Variants in TNFRSF10D observed in about 807,000 individuals in gnomAD.
TNFRSF10D encodes the protein tumor necrosis factor receptor superfamily member 10D.
In TNFRSF10D, 28 loss-of-function variants were observed where a neutral mutation model predicts 42.1. That is an observed-to-expected ratio of 0.66 (90% CI 0.49 to 0.91). TNFRSF10D has a LOEUF of 0.91. Ranked by LOEUF, TNFRSF10D falls within the 40% of genes least tolerant of loss-of-function variation. The probability of loss-of-function intolerance (pLI) is 0.00; values close to 1 mark genes in which losing one functional copy is unlikely to be tolerated. For synonymous variants in TNFRSF10D, 186 were observed against 189.4 expected, an observed-to-expected ratio of 0.98 and a Z score of 0.15; for missense variants, 503 against 486.1, an observed-to-expected ratio of 1.03 and a Z score of -0.33.
chr8:23,136,053 T>C lies in TNFRSF10D; in HGVS notation c.*1817A>G, dbSNP rs1585255401. 2.5e-6 allele frequency: 1 copy of C among 393,628 alleles called. No individual in the cohort carries two copies. Among genetic ancestry groups the C allele is most frequent in the South Asian group, 1.9e-5 (1 of 52,322 alleles). 24.4% of individuals were successfully genotyped at this position (393,628 alleles called of 1,614,324 possible). Reference sequence around the variant, plus strand: ...GACACAACAATCTGAATGTGCGAACTTCAGGCAGTTCTAACTTTGTCCCAG... The same window carrying C: ...GACACAACAATCTGAATGTGCGAACCTCAGGCAGTTCTAACTTTGTCCCAG... On this transcript the variant is annotated 3_prime_UTR_variant, in exon 9 of 9. Transcript: ENST00000312584.
intron 7 of TNFRSF10D, among the ~76,000 whole-genome samples, chr8:23,143,990 C>A (rs1585258919): frequency 6.6e-6 from 1 of 152,188 alleles, no homozygotes; most frequent in African/African-American, 2.4e-5. Context: ...TACACACTGA[C>A]TCAGAAATCC....
intron 4 of TNFRSF10D, 33 bp from the exon 5 acceptor site, chr8:23,145,954 T>C (rs373312572): frequency 8.7e-6 from 14 of 1,613,382 alleles, no homozygotes; most frequent in Middle Eastern, 1.8e-4. Flanking sequence ...ACAGGGACTC[T>C]TGATGGAAAG....
At chr8:23,145,996 T>A in intron 4 of TNFRSF10D, 75 bp from the exon 5 acceptor site, 2 of 1,604,408 alleles carry the variant, frequency 1.2e-6, no homozygotes, top group Non-Finnish European at 8.5e-7. Context: ...GGAGCCACCC[T>A]CCCTGCCCAA....
At position 23,156,559 on chromosome 8, in the gene TNFRSF10D, CTT is replaced by C. The variant is rs61279799; in HGVS notation, c.151-1582_151-1581del. Among the ~76,000 whole-genome samples, 1,169 of 142,462 alleles carry C rather than the reference CTT, an allele frequency of 8.2e-3. 11 individuals carry two copies. Among genetic ancestry groups the C allele is most frequent in the African/African-American group, 0.028 (1,066 of 38,696 alleles). The allele number at this position is 142,462 out of a possible 152,430, so 93.5% of individuals were successfully genotyped here. On this transcript the variant is annotated intron_variant, in intron 1 of 8. Transcript: ENST00000312584. The stretch of plus-strand genomic sequence containing the variant: ...AGAGCAACTATTCATTTTCTCAACT[CTT>C]TTTTTTTTTTTTTCTTTTTTGGAGA...
At chr8:23,142,651 G>T (rs1800046797) in intron 7 of TNFRSF10D, among the ~76,000 whole-genome samples, 2 of 152,082 alleles carry the variant, frequency 1.3e-5, no homozygotes, top group African/African-American at 4.8e-5. Context: ...TGGATACTGT[G>T]CCCACAACCT....
intron 1 of TNFRSF10D, among the ~76,000 whole-genome samples, chr8:23,156,075 C>G (rs1288995867): frequency 6.6e-6 from 1 of 152,126 alleles, no homozygotes; most frequent in Non-Finnish European, 1.5e-5. Flanking sequence ...ACTGGAGAAT[C>G]GGAATAGAGT....
chr8:23,142,019 C>A (rs1342818946), intron 7 of TNFRSF10D, among the ~76,000 whole-genome samples: 1 of 152,168 alleles, frequency 6.6e-6, no homozygotes, highest in Non-Finnish European at 1.5e-5. Flanking sequence ...CACCTGTAAT[C>A]CCAGCACTTT....
At chr8:23,152,405 G>T (rs141193795) in intron 2 of TNFRSF10D, among the ~76,000 whole-genome samples, 142 of 152,320 alleles carry the variant, frequency 9.3e-4, no homozygotes, top group African/African-American at 3.3e-3. Context: ...TTTCCCACAG[G>T]GATTGTGGAA....
chr8:23,158,230 C>T (rs1173606373), intron 1 of TNFRSF10D, among the ~76,000 whole-genome samples: 2 of 152,178 alleles, frequency 1.3e-5, no homozygotes, highest in Non-Finnish European at 2.9e-5. Flanking sequence ...TGCCTTATGC[C>T]CCTCAGTCCA....
Position 23,135,640 on chromosome 8 carries a change from A to T in TNFRSF10D, c.*2230T>A, listed in dbSNP as rs1260838117. The T allele has an allele frequency of 4.0e-6, 1 of 248,318 alleles. No homozygotes were observed. Among genetic ancestry groups the T allele is most frequent in the Non-Finnish European group, 8.1e-6 (1 of 123,858 alleles). The allele number at this position is 248,318 out of a possible 1,614,324, so 15.4% of individuals were successfully genotyped here. Reference sequence around the variant, plus strand: ...TTGGTCATAAACATATGAGTATTTCATATATAACCAGGTGTTATGTGCTAT... The same window carrying T: ...TTGGTCATAAACATATGAGTATTTCTTATATAACCAGGTGTTATGTGCTAT... On this transcript the variant is annotated 3_prime_UTR_variant, in exon 9 of 9. Transcript: ENST00000312584.
intron 1 of TNFRSF10D, among the ~76,000 whole-genome samples, chr8:23,159,164 C>T (rs1397650835): frequency 1.3e-5 from 2 of 152,010 alleles, no homozygotes; most frequent in Non-Finnish European, 2.9e-5. Flanking sequence ...CAGCATTTTG[C>T]TATGTTTCCC....
chr8:23,138,895 A>G (rs143454000), intron 7 of TNFRSF10D, among the ~76,000 whole-genome samples: 825 of 152,032 alleles, frequency 5.4e-3, no homozygotes, highest in African/African-American at 0.017. Context: ...CATTGCTAAG[A>G]GTGACACTTT....
At chr8:23,151,528 T>A (rs962199799) in intron 2 of TNFRSF10D, among the ~76,000 whole-genome samples, 16 of 151,782 alleles carry the variant, frequency 1.1e-4, no homozygotes, top group African/African-American at 3.9e-4. Context: ...ATCATAATAG[T>A]GTACAAATTA....
chr8:23,149,258 A>G (rs1260518247), intron 2 of TNFRSF10D, among the ~76,000 whole-genome samples: 1 of 151,194 alleles, frequency 6.6e-6, no homozygotes, highest in East Asian at 1.9e-4. Flanking sequence ...TTTTTTGGAG[A>G]CAGAGTTTCA....
chr8:23,157,395 G>A (rs536195180), intron 1 of TNFRSF10D, among the ~76,000 whole-genome samples: 1 of 152,164 alleles, frequency 6.6e-6, no homozygotes, highest in East Asian at 1.9e-4. Flanking sequence ...AATTCCCTAT[G>A]GATACTATTA....
intron 7 of TNFRSF10D, among the ~76,000 whole-genome samples, 164 bp downstream of exon 7, chr8:23,144,286 C>T (rs565923534): frequency 6.6e-6 from 1 of 152,170 alleles, no homozygotes; most frequent in Non-Finnish European, 1.5e-5. Flanking sequence ...CAGACTGGCA[C>T]GGTCACCACC....
At chr8:23,160,355 G>A (rs1042364155) in intron 1 of TNFRSF10D, among the ~76,000 whole-genome samples, 6 of 152,100 alleles carry the variant, frequency 3.9e-5, no homozygotes, top group Non-Finnish European at 7.4e-5. Flanking sequence ...AGGGGACTCC[G>A]AAGAGCCCTG....
chr8:23,144,709 C>G, intron 6 of TNFRSF10D, 74 bp from the exon 7 acceptor site: 1 of 1,528,898 alleles, frequency 6.5e-7, no homozygotes, highest in Non-Finnish European at 8.9e-7. Context: ...ACAGCTGGAC[C>G]TGCCATCCCC....
chr8:23,142,691 GCAT>G (rs1298414906), intron 7 of TNFRSF10D, among the ~76,000 whole-genome samples: 1 of 151,932 alleles, frequency 6.6e-6, no homozygotes, highest in Non-Finnish European at 1.5e-5. Context: ...TCAAATTTCA[GCAT>G]CAAACAAACT....
Sources: gnomAD v4.1 joint callset for allele counts (sites outside exome capture counted in the v4.1 genomes callset) on GRCh38, gnomAD v4.1.1 for gene constraint, MANE v1.5 for transcripts, NCBI Gene and HGNC (gene_info 2026-07-23, HGNC 2026-07-21) for gene names.